Variants in NDST1 observed in about 807,000 individuals in gnomAD.
NDST1 encodes bifunctional heparan sulfate N-deacetylase/N-sulfotransferase 1.
A neutral mutation model predicts 92.8 loss-of-function variants in NDST1; 35 were observed. The observed-to-expected ratio is 0.38, with a 90% CI of 0.29 to 0.50. NDST1 has a LOEUF of 0.50. NDST1 is among the 20% of genes least tolerant of loss of function. The pLI is 0.94. For synonymous variants in NDST1, 493 were observed against 500.3 expected, an observed-to-expected ratio of 0.99 and a Z score of 0.19; for missense variants, 822 against 1,182.7, an observed-to-expected ratio of 0.69 and a Z score of 4.47.
At chr5:150,542,738 G>C in intron 9 of NDST1, 110 bp from the exon 10 acceptor site, 1 of 1,405,336 alleles carries the variant, frequency 7.1e-7, no homozygotes, top group Non-Finnish European at 1.0e-6. Context: ...GAAAGGCAGA[G>C]ACCTTCCCAG....
rs1298038804 is a variant in NDST1, at chr5:150,520,889, G to A, written c.-366G>A. On this transcript the variant is annotated 5_prime_UTR_variant, in exon 2 of 15. Coordinates refer to ENST00000261797, the MANE Select transcript of NDST1 (RefSeq NM_001543.5). ...ACAGCCTTAGCCCCGTGGGCCCCAC[G>A]GAGTGAGCGGCATGCAGCACCCCCG... 1.7e-5 allele frequency: 8 copies of A among 475,242 alleles called. No homozygotes were observed. The South Asian group carries it at 3.7e-4, about 22-fold the overall frequency. The allele number at this position is 475,242 out of a possible 1,614,324, so 29.4% of individuals were successfully genotyped here.
rs1174319314 is a variant in NDST1 at position 150,521,879 on chromosome 5, G to A, written c.513+112G>A. The A allele has an allele frequency of 4.9e-6, 7 of 1,428,618 alleles. No homozygotes were observed. Among genetic ancestry groups the A allele is most frequent in the Non-Finnish European group, 6.8e-6 (7 of 1,032,726 alleles). The allele number at this position is 1,428,618 out of a possible 1,614,324, so 88.5% of individuals were successfully genotyped here. ...GTAGCACCCGCCTCCTGGGGTTGTT[G>A]GGAGGGTTAAATGAGTGAGTATATG... is the stretch of plus-strand genomic sequence containing the variant. On this transcript the variant is annotated intron_variant, in intron 2 of 14. Coordinates refer to ENST00000261797, the MANE Select transcript of NDST1 (RefSeq NM_001543.5). This position sits in a 1 kb window ranked among gnomAD's most constrained non-coding sequence, Gnocchi z 5.9.
rs532053709 is a variant in NDST1 at position 150,525,417 on chromosome 5, A to G, written c.514-2387A>G. On this transcript the variant is annotated intron_variant, in intron 2 of 14. Transcript: ENST00000261797. The stretch of plus-strand genomic sequence containing the variant: ...TCCCAGGCCTCAGCAGGCGATGGAC[A>G]AGGCCTGAAATGTCTCTGGCCCCTA... 3.9e-5 allele frequency among the ~76,000 whole-genome samples: 6 copies of G among 152,274 alleles called. 1 individual carries two copies. In the South Asian group the frequency reaches 6.2e-4, roughly 16 times the overall value.
chr5:150,501,751 G>T (rs1287121693), intron 1 of NDST1, among the ~76,000 whole-genome samples: 1 of 152,218 alleles, frequency 6.6e-6, no homozygotes, highest in Non-Finnish European at 1.5e-5. Context: ...CATTTGAGTG[G>T]TGGGATGAAA....
At chr5:150,511,982 G>C (rs1753745591) in intron 1 of NDST1, among the ~76,000 whole-genome samples, 1 of 151,882 alleles carries the variant, frequency 6.6e-6, no homozygotes, top group Admixed American at 6.6e-5. Context: ...GGTGTGACTG[G>C]CTGGGAGGGG....
intron 10 of NDST1, among the ~76,000 whole-genome samples, chr5:150,544,942 C>T (rs527592565): frequency 2.6e-5 from 4 of 152,246 alleles, no homozygotes; most frequent in Admixed American, 2.0e-4. Flanking sequence ...AGCTCGCCCC[C>T]TAGAGGCAGA....
Position 150,533,041 on chromosome 5 carries a change from G to GCCTGCC in NDST1, c.1096+17_1096+22dup. 1.9e-6 allele frequency: 3 copies of GCCTGCC among 1,612,714 alleles called. No individual in the cohort carries two copies. The highest frequency in any genetic ancestry group is 2.5e-6 in the Non-Finnish European group (3 of 1,178,732). On this transcript the variant is annotated intron_variant, in intron 4 of 14. Coordinates refer to ENST00000261797, the MANE Select transcript of NDST1 (RefSeq NM_001543.5). The stretch of plus-strand genomic sequence containing the variant: ...GAAATTCTTCCACACAGGTAAGTGG[G>GCCTGCC]CCTGCCCCTGCCCTCACTAGCAACT...
At chr5:150,525,694 A>G (rs1340465155) in intron 2 of NDST1, among the ~76,000 whole-genome samples, 2 of 152,118 alleles carry the variant, frequency 1.3e-5, no homozygotes, top group Non-Finnish European at 2.9e-5. Context: ...GATGAGTGAA[A>G]GGCGCTCTTC....
At chr5:150,513,508 A>C (rs1257727590) in intron 1 of NDST1, among the ~76,000 whole-genome samples, 1 of 152,218 alleles carries the variant, frequency 6.6e-6, no homozygotes, top group Non-Finnish European at 1.5e-5. Flanking sequence ...AAGCTCAGGC[A>C]GGCTAGCTCC....
rs1172526096 is a variant in NDST1 at position 150,551,821 on chromosome 5, G to A, written c.2495G>A (p.Ser832Asn). The A allele has an allele frequency of 1.2e-6, 2 of 1,613,558 alleles. No individual in the cohort carries two copies. The highest frequency in any genetic ancestry group is 1.1e-5 in the South Asian group (1 of 91,082). ...GGAAAAACCAAGTGTCTGGGCAAAA[G>A]CAAGGGCCGGAAATATCCCGAGATG... ...EGGKTKCLGK[S>N]KGRKYPEMDL... Residue 832 changes from serine (S) to asparagine (N), a missense_variant, in exon 14 of 15, where the codon AGC (serine) becomes AAC (asparagine). Physicochemically the swap from Ser to Asn is conservative, Grantham distance 46. Coordinates refer to ENST00000261797, the MANE Select transcript of NDST1 (RefSeq NM_001543.5).
At chr5:150,544,258 C>G (rs1755382106) in intron 10 of NDST1, among the ~76,000 whole-genome samples, 1 of 152,196 alleles carries the variant, frequency 6.6e-6, no homozygotes, top group South Asian at 2.1e-4. Context: ...ATTAATATGT[C>G]TGTAGCAAAG....
chr5:150,546,541 C>T (rs1382488766), intron 11 of NDST1, among the ~76,000 whole-genome samples: 1 of 152,216 alleles, frequency 6.6e-6, no homozygotes, highest in Admixed American at 6.5e-5. Flanking sequence ...CAGACCAGGC[C>T]TGTGCTTGGT....
At chr5:150,517,292 G>A (rs962091202) in intron 1 of NDST1, among the ~76,000 whole-genome samples, 2 of 147,712 alleles carry the variant, frequency 1.4e-5, no homozygotes, top group Admixed American at 1.4e-4. Context: ...CACATGCCCT[G>A]ACACCTGGCT....
At chr5:150,541,988 A>G (rs1239427685) in intron 9 of NDST1, among the ~76,000 whole-genome samples, 5 of 152,224 alleles carry the variant, frequency 3.3e-5, no homozygotes, top group Non-Finnish European at 1.5e-5. Flanking sequence ...CAAAACTGGT[A>G]CAAAGAGGAC....
chr5:150,539,102 G>A (rs1334277758), intron 6 of NDST1, 126 bp from the exon 7 acceptor site: 1 of 771,062 alleles, frequency 1.3e-6, no homozygotes, highest in African/African-American at 1.7e-5. Flanking sequence ...CAAGGGTAGG[G>A]GCTGTGCGAC....
rs548003073 is a variant in NDST1 at position 150,520,129 on chromosome 5, G to A, written c.-387-739G>A. Among the ~76,000 whole-genome samples, 11 of 152,304 alleles carry A rather than the reference G, an allele frequency of 7.2e-5. No homozygotes were observed. The East Asian group carries it at 2.1e-3, about 29-fold the overall frequency. ...TGCATTATGGGCAAATATGACAGCT[G>A]CCATGTTTCTTGTGCCAAGCTCCTC... On this transcript the variant is annotated intron_variant, in intron 1 of 14. Coordinates refer to ENST00000261797, the MANE Select transcript of NDST1 (RefSeq NM_001543.5).
At chr5:150,537,226 T>C (rs1755033757) in intron 6 of NDST1, among the ~76,000 whole-genome samples, 1 of 152,228 alleles carries the variant, frequency 6.6e-6, no homozygotes, top group African/African-American at 2.4e-5. Flanking sequence ...ATATGAAATC[T>C]GGGAACCTTG....
At chr5:150,542,627 G>A (rs892118682) in intron 9 of NDST1, among the ~76,000 whole-genome samples, 3 of 152,230 alleles carry the variant, frequency 2.0e-5, no homozygotes, top group Non-Finnish European at 4.4e-5. Context: ...AGCGATGTCC[G>A]TAGTAGGTAC....
At chr5:150,498,965 G>A (rs1459551597) in intron 1 of NDST1, among the ~76,000 whole-genome samples, 1 of 152,184 alleles carries the variant, frequency 6.6e-6, no homozygotes, top group Non-Finnish European at 1.5e-5. Flanking sequence ...GGCCTCTGAA[G>A]TTCTAGAGGT....
Sources: allele counts gnomAD v4.1 joint callset (sites outside exome capture counted in the v4.1 genomes callset), GRCh38; gene constraint gnomAD v4.1.1; non-coding constraint Gnocchi (gnomAD v3.1); transcripts MANE v1.5; gene names NCBI Gene and HGNC (gene_info 2026-07-23, HGNC 2026-07-21).